The following GPM6B variants were observed in gnomAD, a reference collection of about 807,000 sequenced individuals.
GPM6B encodes neuronal membrane glycoprotein M6-b.
In GPM6B, 4 loss-of-function variants were observed where a neutral mutation model predicts 27.2. The observed-to-expected ratio is 0.15, with a 90% CI of 0.07 to 0.34. The LOEUF (loss-of-function observed/expected upper bound fraction) is 0.34, where lower values mean the gene tolerates loss of function less well. Among genes scored for constraint, GPM6B ranks in the 10% least tolerant of loss-of-function variants. The pLI, the probability that GPM6B is intolerant of heterozygous loss-of-function variation, is 1.00. For missense variants in GPM6B, 183 were observed against 261.9 expected (o/e 0.70, Z 2.08); for synonymous variants, 124 against 103.1 (o/e 1.20, Z -1.23).
At chrX:13,889,053 G>C (rs1452134046) in intron 1 of GPM6B, 2 of 111,523 alleles carry the variant, frequency 1.8e-5, no homozygotes, top group Non-Finnish European at 3.8e-5. Context: ...ATGCACGTTG[G>C]AATTAACTGG....
At position 13,771,007 on chromosome X, in the gene GPM6B, TTAAAA is replaced by T. The variant is rs1362486633; in HGVS notation, c.*1869_*1873del. On this transcript the variant is annotated 3_prime_UTR_variant, in exon 8 of 8. Coordinates refer to ENST00000316715, the MANE Select transcript of GPM6B (RefSeq NM_001001995.3). The stretch of plus-strand genomic sequence containing the variant: ...CAACTATTTCCACCTAAATAGATCT[TTAAAA>T]TAAGCATACACAAGTATTGACTATT... 8.9e-6 allele frequency: 1 copy of T among 112,796 alleles called. No homozygotes were observed. The highest frequency in any genetic ancestry group is 9.4e-5 in the Admixed American group (1 of 10,615). The allele number at this position is 112,796 out of a possible 1,213,427, so 9.3% of individuals were successfully genotyped here. A position where few individuals can be genotyped will look rare whatever the true frequency, so the allele number is the denominator to read the frequency against.
chrX:13,931,350 T>C (rs1363176342), intron 1 of GPM6B, among the ~76,000 whole-genome samples: 7 of 109,303 alleles, frequency 6.4e-5, no homozygotes, highest in Middle Eastern at 4.7e-3. Flanking sequence ...TAGCCGGGCA[T>C]GGTGGTGGGC....
At chrX:13,897,101 T>C (rs1897197603) in intron 1 of GPM6B, among the ~76,000 whole-genome samples, 1 of 112,432 alleles carries the variant, frequency 8.9e-6, no homozygotes, top group Non-Finnish European at 1.9e-5. Context: ...GTTAAGTATA[T>C]ACAATACACA....
intron 1 of GPM6B, among the ~76,000 whole-genome samples, chrX:13,894,685 A>G (rs2050216817): frequency 8.9e-6 from 1 of 112,653 alleles, no homozygotes; most frequent in Non-Finnish European, 1.9e-5. Context: ...AAAACCACAT[A>G]AGAAAGAATA....
upstream of GPM6B, among the ~76,000 whole-genome samples, chrX:13,818,633 G>T (rs892565432): frequency 1.2e-4 from 14 of 112,279 alleles, no homozygotes; most frequent in African/African-American, 4.5e-4. Context: ...TCAAATTAAG[G>T]CCCCAGCCAA....
chrX:13,843,485 G>C (rs993849582), intron 1 of GPM6B, among the ~76,000 whole-genome samples: 1 of 112,014 alleles, frequency 8.9e-6, no homozygotes, highest in African/African-American at 3.2e-5. Context: ...GGGTCATATG[G>C]TAATCCTATA....
intron 1 of GPM6B, among the ~76,000 whole-genome samples, chrX:13,865,559 A>AAAGAAAGAAAG (rs1555923734): frequency 1.9e-5 from 1 of 52,929 alleles, no homozygotes; most frequent in Non-Finnish European, 3.6e-5. Flanking sequence ...AAAAAAAAAA[A>AAAGAAAGAAAG]AAAGAAAGAA....
intron 1 of GPM6B, among the ~76,000 whole-genome samples, chrX:13,842,757 C>G (rs1051868909): frequency 9.0e-6 from 1 of 110,699 alleles, no homozygotes; most frequent in Non-Finnish European, 1.9e-5. Context: ...TAAAAGCTAC[C>G]CAAACACATC....
intron 4 of GPM6B, among the ~76,000 whole-genome samples, chrX:13,781,428 C>G (rs1322703772): frequency 1.8e-5 from 2 of 112,210 alleles, no homozygotes; most frequent in Non-Finnish European, 3.8e-5. Context: ...CTACATACCT[C>G]CCTCACAATT....
intron 1 of GPM6B, 107 bp from the exon 2 acceptor site, chrX:13,807,876 A>T: frequency 1.3e-6 from 1 of 743,342 alleles, no homozygotes; most frequent in Admixed American, 3.0e-5. Context: ...GGAGTTTAAA[A>T]AATATGCTAT....
At chrX:13,891,722 T>C (rs1241614570) in intron 1 of GPM6B, among the ~76,000 whole-genome samples, 1 of 111,882 alleles carries the variant, frequency 8.9e-6, no homozygotes, top group African/African-American at 3.2e-5. Context: ...CCCTAATCAG[T>C]TCATATGATT....
chrX:13,799,657 C>G (rs923820259), intron 2 of GPM6B, among the ~76,000 whole-genome samples: 1 of 110,495 alleles, frequency 9.1e-6, no homozygotes, highest in Non-Finnish European at 1.9e-5. Context: ...ACACTATGAA[C>G]GACTGCTTTC....
chrX:13,817,129 G>A (rs889979970), upstream of GPM6B: 4 of 959,622 alleles, frequency 4.2e-6, no homozygotes, highest in African/African-American at 8.2e-5. Flanking sequence ...CCAAGGGGCA[G>A]GCAGCCATAC....
intron 1 of GPM6B, among the ~76,000 whole-genome samples, chrX:13,852,012 C>CA (rs893105865): frequency 9.1e-6 from 1 of 110,117 alleles, no homozygotes; most frequent in African/African-American, 3.3e-5. Flanking sequence ...AATCAAATTC[C>CA]AATCCATCCT....
intron 4 of GPM6B, among the ~76,000 whole-genome samples, chrX:13,782,296 G>A (rs979362270): frequency 1.8e-5 from 2 of 111,608 alleles, no homozygotes; most frequent in Non-Finnish European, 3.8e-5. Context: ...CCCTCACAGT[G>A]TCCCCATCTC....
upstream of GPM6B, chrX:13,817,457 T>A: frequency 2.2e-6 from 1 of 462,779 alleles, no homozygotes; most frequent in Non-Finnish European, 2.7e-6. Flanking sequence ...CACGTGACTT[T>A]GTTGGTCGAC....
intron 7 of GPM6B, 188 bp from the exon 8 acceptor site, chrX:13,773,218 CT>C: frequency 3.1e-6 from 1 of 327,217 alleles, no homozygotes; most frequent in East Asian, 4.3e-5. Flanking sequence ...CATTAAAAGG[CT>C]GAAGAAAAGT....
intron 1 of GPM6B, among the ~76,000 whole-genome samples, chrX:13,814,754 C>A (rs1161237173): frequency 1.8e-5 from 2 of 111,309 alleles, no homozygotes; most frequent in Non-Finnish European, 3.8e-5. Flanking sequence ...ATTAGATAAG[C>A]CACCCTCCAG....
At chrX:13,859,397 C>A (rs1338897731) in intron 1 of GPM6B, among the ~76,000 whole-genome samples, 1 of 111,776 alleles carries the variant, frequency 8.9e-6, no homozygotes, top group Admixed American at 9.5e-5. Flanking sequence ...TTGTGTGTAT[C>A]CATGTCCTTT....
Sources: gnomAD v4.1 joint callset for allele counts (sites outside exome capture counted in the v4.1 genomes callset) on GRCh38, gnomAD v4.1.1 for gene constraint, MANE v1.5 for transcripts, NCBI Gene and HGNC (gene_info 2026-07-23, HGNC 2026-07-21) for gene names.